The following GABRG3 variants were observed in gnomAD, a reference collection of about 807,000 sequenced individuals.
The protein encoded by GABRG3 is gamma-aminobutyric acid type A receptor subunit gamma3.
A neutral mutation model predicts 48.8 loss-of-function variants in GABRG3; 25 were observed. That is an observed-to-expected ratio of 0.51 (90% CI 0.37 to 0.72). The LOEUF is 0.72. Among genes scored for constraint, GABRG3 ranks in the 30% least tolerant of loss-of-function variants. The pLI is 0.00. For synonymous variants in GABRG3, 227 were observed against 217.6 expected (o/e 1.04, Z -0.38); for missense variants, 394 against 577.9 (o/e 0.68, Z 3.26).
intron 3 of GABRG3, among the ~76,000 whole-genome samples, chr15:27,238,736 T>A (rs1164681542): frequency 1.3e-5 from 2 of 152,232 alleles, no homozygotes; most frequent in East Asian, 3.8e-4. Flanking sequence ...TTCGAACTTT[T>A]CAGTCACTTA....
In GABRG3 at chr15:27,307,384, TATATAACCATATAGGTTTATATATTTA is replaced by T. The variant is rs1321194361; in HGVS notation, c.271-19424_271-19398del. The stretch of plus-strand genomic sequence containing the variant: ...ATAACCATATAGGTTTATATATTTA[TATATAACCATATAGGTTTATATATTTA>T]TATATAAACATATAGGTTTATATAT... On this transcript the variant is annotated intron_variant, in intron 3 of 9. Transcript: ENST00000615808. Among the ~76,000 whole-genome samples, 4 of 128,394 alleles carry T rather than the reference TATATAACCATATAGGTTTATATATTTA, an allele frequency of 3.1e-5. 1 individual carries two copies. The highest frequency in any genetic ancestry group is 6.6e-5 in the Non-Finnish European group (4 of 60,550). 84.2% of individuals were successfully genotyped at this position (128,394 alleles called of 152,430 possible).
chr15:27,305,544 T>C (rs1403168923), intron 3 of GABRG3, among the ~76,000 whole-genome samples: 1 of 145,592 alleles, frequency 6.9e-6, no homozygotes, highest in Non-Finnish European at 1.5e-5. Flanking sequence ...TATGTTTATA[T>C]ATAAACATAA....
chr15:27,118,779 G>C (rs1456181241), intron 3 of GABRG3, among the ~76,000 whole-genome samples: 1 of 152,104 alleles, frequency 6.6e-6, no homozygotes, highest in African/African-American at 2.4e-5. Flanking sequence ...AGGACTTTCT[G>C]GGTTCTTCTG....
At chr15:27,503,887 T>G (rs1890701298) in intron 6 of GABRG3, among the ~76,000 whole-genome samples, 1 of 152,352 alleles carries the variant, frequency 6.6e-6, no homozygotes, top group African/African-American at 2.4e-5. Context: ...GGGTGATTTT[T>G]TATCTTGTGG....
chr15:27,255,233 C>T (rs7172452), intron 3 of GABRG3, among the ~76,000 whole-genome samples: 3,864 of 152,290 alleles, frequency 0.025, 147 homozygotes, highest in African/African-American at 0.089. Context: ...GCCTGTGGAT[C>T]CACCCTTCTG....
At chr15:27,397,377 A>G (rs1887337215) in intron 5 of GABRG3, among the ~76,000 whole-genome samples, 1 of 152,070 alleles carries the variant, frequency 6.6e-6, no homozygotes, top group Non-Finnish European at 1.5e-5. Context: ...AGAACTTGTA[A>G]TTTCTCTATA....
chr15:27,407,717 A>G (rs892843059), intron 5 of GABRG3, among the ~76,000 whole-genome samples: 3 of 152,236 alleles, frequency 2.0e-5, no homozygotes, highest in African/African-American at 7.2e-5. Context: ...TGAAAGGGCT[A>G]TAACTGTATG....
At chr15:27,399,579 A>G (rs1468504572) in intron 5 of GABRG3, among the ~76,000 whole-genome samples, 1 of 152,236 alleles carries the variant, frequency 6.6e-6, no homozygotes, top group Non-Finnish European at 1.5e-5. Flanking sequence ...TGACATTCGT[A>G]GAAACCTTTG....
In GABRG3 at chr15:27,347,244, C is replaced by G. The variant is rs143459822; in HGVS notation, c.574+18356C>G. On this transcript the variant is annotated intron_variant, in intron 5 of 9. Transcript: ENST00000615808. Reference sequence around the variant, plus strand: ...CTTGCAGTGCTTCCAGCATTAATCCCCTTTACTATCCTGGAGCCCTGTGGC... The same window carrying G: ...CTTGCAGTGCTTCCAGCATTAATCCGCTTTACTATCCTGGAGCCCTGTGGC... 5.2e-3 allele frequency among the ~76,000 whole-genome samples: 793 copies of G among 152,304 alleles called. 6 individuals carry two copies. The highest frequency in any genetic ancestry group is 0.018 in the African/African-American group (753 of 41,568).
chr15:27,231,754 T>C lies in GABRG3; in HGVS notation c.271-95055T>C, dbSNP rs1889807819. ...CATTTGTTTGATATTGTAACACTTT[T>C]AGGTTTTGCTTGGTAGACAGAGAAT... is the stretch of plus-strand genomic sequence containing the variant. On this transcript the variant is annotated intron_variant, in intron 3 of 9. Coordinates refer to ENST00000615808, the MANE Select transcript of GABRG3 (RefSeq NM_033223.5). Among the ~76,000 whole-genome samples, 4 of 152,384 alleles carry C rather than the reference T, an allele frequency of 2.6e-5. No homozygotes were observed. The South Asian group carries it at 8.3e-4, about 32-fold the overall frequency.
chr15:27,500,301 C>T (rs1207829937), intron 6 of GABRG3, among the ~76,000 whole-genome samples: 1 of 152,156 alleles, frequency 6.6e-6, no homozygotes, highest in Non-Finnish European at 1.5e-5. Flanking sequence ...AGGCCCGGTT[C>T]ACAGCAGCTC....
chr15:27,245,138 C>G (rs1473084780), intron 3 of GABRG3, among the ~76,000 whole-genome samples: 1 of 152,172 alleles, frequency 6.6e-6, no homozygotes, highest in Non-Finnish European at 1.5e-5. Context: ...CAGAGGAGAA[C>G]TGCCCTCCTC....
intron 5 of GABRG3, chr15:27,341,030 C>T (rs1053343654): frequency 6.0e-6 from 3 of 497,562 alleles, no homozygotes; most frequent in African/African-American, 5.9e-5. Context: ...GAGAAATAAA[C>T]AGACTTCAGA....
At chr15:27,006,891 G>A (rs1169427752) in intron 2 of GABRG3, among the ~76,000 whole-genome samples, 1 of 151,324 alleles carries the variant, frequency 6.6e-6, no homozygotes, top group Admixed American at 6.6e-5. Flanking sequence ...CCAGGCCGGA[G>A]TGTGGTGGCA....
chr15:27,147,032 G>A (rs1206551545), intron 3 of GABRG3, among the ~76,000 whole-genome samples: 1 of 151,940 alleles, frequency 6.6e-6, no homozygotes, highest in East Asian at 1.9e-4. Flanking sequence ...TATATATGTT[G>A]CTTATGAGAG....
chr15:27,415,217 T>A (rs1887906650), intron 5 of GABRG3, among the ~76,000 whole-genome samples: 1 of 152,118 alleles, frequency 6.6e-6, no homozygotes, highest in Admixed American at 6.5e-5. Context: ...AATATTCTGT[T>A]CCATTATTTC....
At chr15:27,187,690 T>C (rs984599694) in intron 3 of GABRG3, among the ~76,000 whole-genome samples, 5 of 152,142 alleles carry the variant, frequency 3.3e-5, no homozygotes, top group African/African-American at 9.7e-5. Flanking sequence ...GATTGTGTTA[T>C]TGATTTGGCT....
At chr15:27,290,975 G>T (rs941827368) in intron 3 of GABRG3, among the ~76,000 whole-genome samples, 11 of 152,098 alleles carry the variant, frequency 7.2e-5, no homozygotes, top group African/African-American at 2.4e-4. Flanking sequence ...TCTTATAAAA[G>T]TTTGTTTAAT....
chr15:27,505,590 A>C, intron 6 of GABRG3, among the ~76,000 whole-genome samples: 1 of 152,070 alleles, frequency 6.6e-6, no homozygotes, highest in East Asian at 1.9e-4. Context: ...TAATATGTTG[A>C]GTTACATTGA....
Sources: gnomAD v4.1 joint callset for allele counts (sites outside exome capture counted in the v4.1 genomes callset) on GRCh38, gnomAD v4.1.1 for gene constraint, MANE v1.5 for transcripts, NCBI Gene and HGNC (gene_info 2026-07-23, HGNC 2026-07-21) for gene names.